EFR3A: variants seen among roughly 807,000 people sequenced by gnomAD.
The protein encoded by EFR3A is protein EFR3 homolog A.
EFR3A carries 76 observed loss-of-function variants against 104.4 expected under a neutral mutation model. The ratio of observed to expected loss-of-function variants is 0.73; its 90% CI spans 0.60 to 0.88. The LOEUF is 0.88. EFR3A is among the 40% of genes least tolerant of loss of function. EFR3A has a pLI of 0.00. For synonymous variants in EFR3A, 330 were observed against 330.0 expected (o/e 1.00, Z 0.00); for missense variants, 985 against 1,012.5 (o/e 0.97, Z 0.37).
At chr8:131,938,163 C>G (rs1818000135) in intron 1 of EFR3A, 2 of 396,116 alleles carry the variant, frequency 5.0e-6, no homozygotes, top group African/African-American at 2.1e-5. Context: ...TAGGCACTTG[C>G]TGAACAGTAG....
chr8:131,904,179 C>G lies in EFR3A; in HGVS notation c.-134C>G, dbSNP rs1055993314. ...GTGACCGCGGGGTCCGCGTCCGCTCCCTCCACCCTTCGCCCTTCGCCCTTC... is the reference window on the plus strand; with the variant it reads ...GTGACCGCGGGGTCCGCGTCCGCTCGCTCCACCCTTCGCCCTTCGCCCTTC... On this transcript the variant is annotated 5_prime_UTR_variant, in exon 1 of 23. Transcript: ENST00000254624. The G allele has an allele frequency of 8.5e-5, 90 of 1,054,328 alleles. 1 individual carries two copies. The highest frequency in any genetic ancestry group is 4.7e-5 in the Non-Finnish European group (39 of 824,484). 65.3% of individuals were successfully genotyped at this position (1,054,328 alleles called of 1,614,324 possible).
Position 131,996,777 on chromosome 8 carries a change from G to A in EFR3A, c.2157+280G>A, listed in dbSNP as rs191788643. On this transcript the variant is annotated intron_variant, in intron 19 of 22. Coordinates refer to ENST00000254624, the MANE Select transcript of EFR3A (RefSeq NM_015137.6). ...TTAGTGTAATAAAAGGAACTGTAAA[G>A]TATAAGATTTTTTTGCTAAGAAACT... Among the ~76,000 whole-genome samples, 1,064 of 152,124 alleles carry A rather than the reference G, an allele frequency of 7.0e-3. 12 individuals are homozygous for A. Among genetic ancestry groups the A allele is most frequent in the Non-Finnish European group, 0.012 (794 of 67,940 alleles).
At chr8:131,986,784 C>A (rs1444136636) in intron 17 of EFR3A, among the ~76,000 whole-genome samples, 2 of 120,220 alleles carry the variant, frequency 1.7e-5, no homozygotes, top group Admixed American at 9.8e-5. Flanking sequence ...AGCGAGACTC[C>A]ATCTCAAAAA....
rs1434086781 is a variant in EFR3A, at chr8:132,011,542, A to G, written c.*647A>G. The G allele has an allele frequency of 2.4e-5, 15 of 620,402 alleles. No individual in the cohort carries two copies. The highest frequency in any genetic ancestry group is 3.0e-5 in the Non-Finnish European group (15 of 496,430). The allele number at this position is 620,402 out of a possible 1,614,324, so 38.4% of individuals were successfully genotyped here. A position where few individuals can be genotyped will look rare whatever the true frequency, so the allele number is the denominator to read the frequency against. On this transcript the variant is annotated 3_prime_UTR_variant, in exon 23 of 23. Transcript: ENST00000254624. The stretch of plus-strand genomic sequence containing the variant: ...CTTTAAATTGTCTGGTTCTTGTAAT[A>G]TTGTGTTTCCTGCCAAGAGTTTGAC...
intron 11 of EFR3A, 42 bp downstream of exon 11, chr8:131,976,183 C>T: frequency 1.6e-6 from 2 of 1,232,084 alleles, no homozygotes; most frequent in Non-Finnish European, 1.2e-6. Context: ...TCTTGAGTTA[C>T]ATTTTATCCT....
Position 132,012,909 on chromosome 8 carries a change from TG to T in EFR3A, c.*2016del, listed in dbSNP as rs1415026332. On this transcript the variant is annotated 3_prime_UTR_variant, in exon 23 of 23. Coordinates refer to ENST00000254624, the MANE Select transcript of EFR3A (RefSeq NM_015137.6). ...ATTAATGTTTATCACACCTTTATCT[TG>T]GTCTTTGTTGATTTGGGTTTTGTTG... is the stretch of plus-strand genomic sequence containing the variant. The T allele has an allele frequency of 6.6e-6, 1 of 152,202 alleles. No individual in the cohort carries two copies. The highest frequency in any genetic ancestry group is 1.5e-5 in the Non-Finnish European group (1 of 68,038). 9.4% of individuals were successfully genotyped at this position (152,202 alleles called of 1,614,324 possible). A position where few individuals can be genotyped will look rare whatever the true frequency, so the allele number is the denominator to read the frequency against.
intron 1 of EFR3A, among the ~76,000 whole-genome samples, chr8:131,919,156 C>G (rs1380749997): frequency 1.3e-5 from 2 of 151,742 alleles, no homozygotes; most frequent in Admixed American, 6.6e-5. Flanking sequence ...CCCCCATATT[C>G]AGCTTTTCAT....
intron 7 of EFR3A, among the ~76,000 whole-genome samples, chr8:131,957,027 CTTGAG>C (rs1321627659): frequency 6.6e-6 from 1 of 152,050 alleles, no homozygotes; most frequent in East Asian, 1.9e-4. Context: ...ATAAGTTGTA[CTTGAG>C]TTGAATAACT....
At chr8:131,925,899 A>G (rs968053048) in intron 1 of EFR3A, among the ~76,000 whole-genome samples, 3 of 152,264 alleles carry the variant, frequency 2.0e-5, no homozygotes, top group African/African-American at 4.8e-5. Context: ...GTATACAATA[A>G]TGAATATGCC....
At chr8:131,969,526 T>G (rs867182308) in intron 9 of EFR3A, among the ~76,000 whole-genome samples, 15 of 133,162 alleles carry the variant, frequency 1.1e-4, no homozygotes, top group Non-Finnish European at 1.7e-4. Context: ...TTGTGTGTGT[T>G]TTTTTTTTTT....
chr8:131,947,098 A>C (rs1210208307), intron 4 of EFR3A, among the ~76,000 whole-genome samples: 1 of 152,030 alleles, frequency 6.6e-6, no homozygotes, highest in Non-Finnish European at 1.5e-5. Context: ...ACTGTGTTTA[A>C]CTGTTTTCCA....
chr8:131,990,919 CTTACCAT>C (rs201407445), intron 18 of EFR3A, among the ~76,000 whole-genome samples: 3,083 of 152,240 alleles, frequency 0.02, 51 homozygotes, highest in South Asian at 0.032. Context: ...ATAGGATTTA[CTTACCAT>C]TTCATTTGCT....
chr8:131,944,815 G>A lies in EFR3A; in HGVS notation c.158G>A (p.Arg53Gln), dbSNP rs143933422. The A allele has an allele frequency of 3.0e-5, 49 of 1,610,118 alleles. No individual in the cohort carries two copies. Among genetic ancestry groups the A allele is most frequent in the South Asian group, 1.8e-4 (16 of 90,526 alleles). The change falls in exon 3 of 23, where the codon CGA becomes CAA. Residue 53 changes from arginine to glutamine, a missense_variant. Physicochemically the swap from Arg to Gln is conservative, Grantham distance 43 (BLOSUM62 1). Transcript: ENST00000254624. ...YAVSAPEKLD[R>Q]IGSYLAERLS... ...GTATCTGCTCCAGAGAAACTGGATC[G>A]AATTGGTTCTTACCTGGCAGAAAGG...
chr8:131,960,451 A>G (rs757643675), intron 8 of EFR3A, among the ~76,000 whole-genome samples: 6 of 152,244 alleles, frequency 3.9e-5, no homozygotes, highest in Admixed American at 2.0e-4. Flanking sequence ...AGGGATAGCT[A>G]TAGTCTAGTA....
chr8:131,972,102 T>C (rs1748739518), intron 10 of EFR3A, among the ~76,000 whole-genome samples: 1 of 152,184 alleles, frequency 6.6e-6, no homozygotes, highest in African/African-American at 2.4e-5. Flanking sequence ...TCTATGTATG[T>C]AGGAATGCAT....
rs554120365 is a variant in EFR3A, at chr8:131,984,235, A to T, written c.1672A>T (p.Ile558Leu). The change falls in exon 15 of 23, where the codon ATA becomes TTA. Residue 558 changes from isoleucine (I) to leucine (L), a missense_variant. Ile to Leu is a conservative substitution (Grantham distance 5, BLOSUM62 2). Coordinates refer to ENST00000254624, the MANE Select transcript of EFR3A (RefSeq NM_015137.6). Reference protein sequence around the residue: ...YELLYTSLALITIELANEEVV... With the variant: ...YELLYTSLALLTIELANEEVV... ...ACTACTTTATACTTCTCTTGCTCTT[A>T]TAACTATTGAACTGGCTAATGAAGA... 1 of 1,611,304 alleles carries T rather than the reference A, an allele frequency of 6.2e-7. No individual in the cohort carries two copies. Among genetic ancestry groups the T allele is most frequent in the South Asian group, 1.1e-5 (1 of 90,474 alleles).
chr8:131,905,166 A>G (rs1182245140), intron 1 of EFR3A, among the ~76,000 whole-genome samples: 1 of 152,224 alleles, frequency 6.6e-6, no homozygotes, highest in Non-Finnish European at 1.5e-5. Context: ...GATCTTGGGT[A>G]GAGAGGAAGC....
chr8:131,983,934 T>G (rs899975891), intron 14 of EFR3A, among the ~76,000 whole-genome samples: 5 of 152,238 alleles, frequency 3.3e-5, no homozygotes, highest in Non-Finnish European at 2.9e-5. Context: ...AAGGTTTGTC[T>G]TCAACTTTAA....
chr8:131,988,438 T>G (rs76512286), intron 18 of EFR3A, among the ~76,000 whole-genome samples: 1 of 152,030 alleles, frequency 6.6e-6, no homozygotes, highest in Non-Finnish European at 1.5e-5. Flanking sequence ...AGTGCAGTCT[T>G]TGTAAATGGC....
Sources: gnomAD v4.1 joint callset for allele counts (sites outside exome capture counted in the v4.1 genomes callset) on GRCh38, gnomAD v4.1.1 for gene constraint, MANE v1.5 for transcripts, NCBI Gene and HGNC (gene_info 2026-07-23, HGNC 2026-07-21) for gene names.